MDH1B: variants seen among roughly 807,000 people sequenced by gnomAD.
MDH1B encodes the protein malate dehydrogenase 1B, also known as putative malate dehydrogenase 1B.
In MDH1B, 60 loss-of-function variants were observed where a neutral mutation model predicts 61.4. The ratio of observed to expected loss-of-function variants is 0.98; its 90% CI spans 0.79 to 1.21. The LOEUF (loss-of-function observed/expected upper bound fraction) is 1.21. Among genes scored for constraint, MDH1B ranks in the 50% most tolerant of loss-of-function variants. MDH1B has a pLI of 0.00. For synonymous variants in MDH1B, 236 were observed against 218.7 expected (o/e 1.08, Z -0.70); for missense variants, 587 against 632.1 (o/e 0.93, Z 0.76).
chr2:206,761,653 T>C (rs1689102105), intron 1 of MDH1B, among the ~76,000 whole-genome samples: 2 of 151,958 alleles, frequency 1.3e-5, no homozygotes, highest in South Asian at 4.2e-4. Context: ...TATACATATA[T>C]ATGGGGTGCA....
chr2:206,743,634 C>T (rs1687935386), intron 9 of MDH1B, among the ~76,000 whole-genome samples: 1 of 152,210 alleles, frequency 6.6e-6, no homozygotes, highest in African/African-American at 2.4e-5. Context: ...AGATATCACA[C>T]AGGTATTTCA....
chr2:206,754,376 A>G (rs1334744730), intron 5 of MDH1B, among the ~76,000 whole-genome samples: 1 of 152,208 alleles, frequency 6.6e-6, no homozygotes, highest in African/African-American at 2.4e-5. Context: ...TTTCTGATCT[A>G]GTCTCATCTT....
chr2:206,756,890 T>G lies in MDH1B; in HGVS notation c.413+8A>C, dbSNP rs761438912. Reference sequence around the variant, plus strand: ...AATCTCATGAATCCTGGGATTTGACTGTCCCACCTGGTGATCCAGACCTGC... The same window carrying G: ...AATCTCATGAATCCTGGGATTTGACGGTCCCACCTGGTGATCCAGACCTGC... On this transcript the variant is annotated splice_region_variant and intron_variant, in intron 4 of 11. Coordinates refer to ENST00000374412, the MANE Select transcript of MDH1B (RefSeq NM_001039845.3). 11 of 1,613,308 alleles carry G rather than the reference T, an allele frequency of 6.8e-6. No homozygotes were observed.
intron 1 of MDH1B, among the ~76,000 whole-genome samples, chr2:206,764,087 G>A (rs1044969990): frequency 4.6e-5 from 7 of 151,966 alleles, no homozygotes; most frequent in South Asian, 2.1e-4. Flanking sequence ...TCACTTGAGC[G>A]TAGGAGTTCA....
intron 7 of MDH1B, among the ~76,000 whole-genome samples, chr2:206,748,459 A>G (rs1011981316): frequency 6.6e-6 from 1 of 152,212 alleles, no homozygotes; most frequent in African/African-American, 2.4e-5. Context: ...GTTTATATGC[A>G]GTATTCGTGG....
chr2:206,749,141 C>T lies in MDH1B; in HGVS notation c.1095G>A (p.Leu365=), dbSNP rs200102161. The T allele has an allele frequency of 2.4e-5, 39 of 1,614,022 alleles. No individual in the cohort carries two copies. The East Asian group carries it at 8.5e-4, about 35-fold the overall frequency. ...KREFVAILKN[L]TTTGRQFGGI... ...CTCCAAATTGTCTTCCTGTGGTGGTCAAGTTTTTAAGAATTGCCACAAATT... is the reference window on the plus strand; with the variant it reads ...CTCCAAATTGTCTTCCTGTGGTGGTTAAGTTTTTAAGAATTGCCACAAATT... Residue 365 remains leucine, a synonymous_variant, in exon 7 of 12, where the codon TTG becomes TTA. Transcript: ENST00000374412.
At chr2:206,764,418 C>G (rs1689304133) in intron 1 of MDH1B, among the ~76,000 whole-genome samples, 1 of 152,138 alleles carries the variant, frequency 6.6e-6, no homozygotes, top group African/African-American at 2.4e-5. Flanking sequence ...TTGGTGACAG[C>G]AGTTTCTGTC....
intron 3 of MDH1B, 25 bp downstream of exon 3, chr2:206,757,212 A>G (rs772882234): frequency 8.2e-6 from 13 of 1,591,146 alleles, no homozygotes; most frequent in Non-Finnish European, 9.4e-6. Context: ...TATCATTATT[A>G]GAACAGATAA....
chr2:206,752,679 A>G (rs1396384488), intron 5 of MDH1B, among the ~76,000 whole-genome samples: 2 of 151,788 alleles, frequency 1.3e-5, no homozygotes, highest in Non-Finnish European at 2.9e-5. Context: ...GCTGGGTTTC[A>G]TTTTTCTTAT....
intron 9 of MDH1B, 162 bp from the exon 10 acceptor site, chr2:206,741,266 T>C (rs1418893136): frequency 4.3e-6 from 4 of 922,880 alleles, no homozygotes; most frequent in Non-Finnish European, 6.6e-6. Flanking sequence ...TTTGTGTACA[T>C]ATTAATGAAA....
chr2:206,761,369 C>A (rs1197221311), intron 1 of MDH1B, among the ~76,000 whole-genome samples: 1 of 152,022 alleles, frequency 6.6e-6, no homozygotes, highest in East Asian at 1.9e-4. Context: ...CTAATGGCCA[C>A]CAAAAGGTAA....
chr2:206,748,357 C>A (rs966833438), intron 7 of MDH1B, among the ~76,000 whole-genome samples: 1 of 152,336 alleles, frequency 6.6e-6, no homozygotes, highest in South Asian at 2.1e-4. Flanking sequence ...CCAGCCTGAG[C>A]GTCACAGCAA....
At chr2:206,754,432 G>C (rs1013362543) in intron 5 of MDH1B, among the ~76,000 whole-genome samples, 3 of 152,110 alleles carry the variant, frequency 2.0e-5, no homozygotes, top group Non-Finnish European at 4.4e-5. Flanking sequence ...AGATTAATAG[G>C]AGCAGAAACC....
Position 206,755,331 on chromosome 2 carries a change from G to T in MDH1B, c.588C>A (p.Ser196=). ...AGGCCTCCTCCACCTTCGTGCAGAT[G>T]GAGACACTGCGCAGGACGGGAGATG... ...DLASPVLRSV[S]ICTKVEEAFR... The change falls in exon 5 of 12, where the codon TCC becomes TCA. Residue 196 remains serine, a synonymous_variant. Transcript: ENST00000374412. The T allele has an allele frequency of 6.2e-7, 1 of 1,614,192 alleles. No homozygotes were observed. Among genetic ancestry groups the T allele is most frequent in the Non-Finnish European group, 8.5e-7 (1 of 1,180,022 alleles).
At position 206,765,198 on chromosome 2, in the gene MDH1B, A is replaced by G. The variant is rs368856280; in HGVS notation, c.22+52T>C. 288 of 1,591,708 alleles carry G rather than the reference A, an allele frequency of 1.8e-4. 8 individuals are homozygous for G. The highest frequency in any genetic ancestry group is 1.1e-3 in the East Asian group (46 of 42,928). ...CCAAGCCGAGCGGCCATGGGAGGTG[A>G]GCTGTTGTCGGCGTTTTGAGCAATC... On this transcript the variant is annotated intron_variant, in intron 1 of 11. Coordinates refer to ENST00000374412, the MANE Select transcript of MDH1B (RefSeq NM_001039845.3).
chr2:206,749,206 T>C (rs1282097597), intron 6 of MDH1B, 23 bp from the exon 7 acceptor site: 1 of 1,608,686 alleles, frequency 6.2e-7, no homozygotes, highest in Non-Finnish European at 8.5e-7. Flanking sequence ...AAAGAAACAA[T>C]TTTACAATGG....
intron 9 of MDH1B, among the ~76,000 whole-genome samples, chr2:206,741,863 A>G (rs535503102): frequency 1.3e-5 from 2 of 152,214 alleles, no homozygotes; most frequent in East Asian, 3.9e-4. Flanking sequence ...CGACCTCCAA[A>G]TGCTAAGGAC....
intron 5 of MDH1B, among the ~76,000 whole-genome samples, chr2:206,754,634 A>G (rs1688650004): frequency 6.6e-6 from 1 of 152,222 alleles, no homozygotes; most frequent in Admixed American, 6.5e-5. Flanking sequence ...TGACGGCTCA[A>G]GATCATACGG....
chr2:206,762,099 T>TTAA (rs2105958085), intron 1 of MDH1B, among the ~76,000 whole-genome samples: 1 of 152,246 alleles, frequency 6.6e-6, no homozygotes, highest in South Asian at 2.1e-4. Context: ...GTCACCAGCT[T>TTAA]TAATTGGCCC....
Sources: allele counts gnomAD v4.1 joint callset (sites outside exome capture counted in the v4.1 genomes callset), GRCh38; gene constraint gnomAD v4.1.1; transcripts MANE v1.5; gene names NCBI Gene and HGNC (gene_info 2026-07-23, HGNC 2026-07-21).